CCDC178: variants seen among roughly 807,000 people sequenced by gnomAD.
The protein encoded by CCDC178 is coiled-coil domain containing 178, also known as coiled-coil domain-containing protein 178.
A neutral mutation model predicts 117.4 loss-of-function variants in CCDC178; 126 were observed. That is an observed-to-expected ratio of 1.07 (90% CI 0.93 to 1.24). The LOEUF is 1.24. Ranked by LOEUF, CCDC178 falls within the 50% of genes most tolerant of loss-of-function variation. CCDC178 has a pLI of 0.00. For missense variants in CCDC178, 1,030 were observed against 986.9 expected (o/e 1.04, Z -0.59); for synonymous variants, 283 against 313.4 (o/e 0.90, Z 1.02).
At chr18:32,986,172 A>G (rs1470171739) in intron 21 of CCDC178, among the ~76,000 whole-genome samples, 1 of 152,132 alleles carries the variant, frequency 6.6e-6, no homozygotes, top group African/African-American at 2.4e-5. Context: ...AAACAAAATC[A>G]ATTCTTTATA....
In CCDC178 at chr18:33,264,323, GA is replaced by G. The variant is rs376605059; in HGVS notation, c.1409+2592del. ...GAATATAAGAACTATTTTGATATAT[GA>G]ATTGGTAATTATCTCTTTGTCCTGA... On this transcript the variant is annotated intron_variant, in intron 14 of 22. Transcript: ENST00000383096. 2.3e-4 allele frequency among the ~76,000 whole-genome samples: 35 copies of G among 152,104 alleles called. 1 individual carries two copies. In the South Asian group the frequency reaches 5.4e-3, roughly 23 times the overall value.
chr18:33,345,199 T>A (rs938519449), intron 9 of CCDC178, among the ~76,000 whole-genome samples: 6 of 152,124 alleles, frequency 3.9e-5, no homozygotes, highest in Admixed American at 6.5e-5. Flanking sequence ...AAAAAGCTCT[T>A]ACAAAACATG....
chr18:32,980,194 A>AT (rs2055119842), intron 21 of CCDC178, among the ~76,000 whole-genome samples: 1 of 152,134 alleles, frequency 6.6e-6, no homozygotes, highest in Non-Finnish European at 1.5e-5. Context: ...ACCACATTTA[A>AT]TTTTTTTAAG....
chr18:33,167,345 T>C (rs925059326), intron 20 of CCDC178, among the ~76,000 whole-genome samples: 4 of 152,156 alleles, frequency 2.6e-5, no homozygotes, highest in Non-Finnish European at 5.9e-5. Context: ...GCCAAACTGC[T>C]TTCCACAATG....
At chr18:33,214,699 G>C (rs2144598559) in intron 19 of CCDC178, among the ~76,000 whole-genome samples, 1 of 152,080 alleles carries the variant, frequency 6.6e-6, no homozygotes, top group East Asian at 1.9e-4. Context: ...TTCAGATAAA[G>C]CTGAATTATC....
chr18:33,329,614 T>C (rs1331079305), intron 10 of CCDC178, among the ~76,000 whole-genome samples: 2 of 152,210 alleles, frequency 1.3e-5, no homozygotes, highest in African/African-American at 4.8e-5. Flanking sequence ...TCATATATTG[T>C]ATCACATATG....
At chr18:33,018,475 T>C (rs1055840474) in intron 21 of CCDC178, among the ~76,000 whole-genome samples, 1 of 151,934 alleles carries the variant, frequency 6.6e-6, no homozygotes, top group Non-Finnish European at 1.5e-5. Flanking sequence ...ACCCTCAAAG[T>C]AGAAACAACC....
At position 32,937,868 on chromosome 18, in the gene CCDC178, C is replaced by T; in HGVS notation, c.*143G>A. Reference sequence around the variant, plus strand: ...GGATTTGCTGTGAGTAAAAGAGTGGCAAAGCATGCTGGGAGGTGAGTGAGT... The same window carrying T: ...GGATTTGCTGTGAGTAAAAGAGTGGTAAAGCATGCTGGGAGGTGAGTGAGT... On this transcript the variant is annotated 3_prime_UTR_variant, in exon 23 of 23. Coordinates refer to ENST00000383096, the MANE Select transcript of CCDC178 (RefSeq NM_001105528.4). 1.6e-6 allele frequency: 1 copy of T among 641,208 alleles called. No homozygotes were observed. The highest frequency in any genetic ancestry group is 2.8e-6 in the Non-Finnish European group (1 of 354,932). 39.7% of individuals were successfully genotyped at this position (641,208 alleles called of 1,614,324 possible). A position where few individuals can be genotyped will look rare whatever the true frequency, so the allele number is the denominator to read the frequency against.
intron 14 of CCDC178, among the ~76,000 whole-genome samples, chr18:33,264,161 T>C (rs927075450): frequency 2.0e-5 from 3 of 152,146 alleles, no homozygotes; most frequent in Admixed American, 1.3e-4. Flanking sequence ...TACATTTGCA[T>C]ACATTTGTAA....
intron 20 of CCDC178, among the ~76,000 whole-genome samples, chr18:33,094,506 C>A (rs1384419489): frequency 6.6e-6 from 1 of 151,734 alleles, no homozygotes; most frequent in African/African-American, 2.4e-5. Flanking sequence ...TAAATCTAAG[C>A]ACAACTCTGA....
At chr18:33,320,903 T>C (rs2062499721) in intron 11 of CCDC178, among the ~76,000 whole-genome samples, 2 of 152,106 alleles carry the variant, frequency 1.3e-5, no homozygotes, top group Admixed American at 6.5e-5. Flanking sequence ...TAGGGACCAA[T>C]GGAATAGAAC....
At chr18:33,092,699 T>C (rs1454591929) in intron 21 of CCDC178, 62 bp downstream of exon 21, 2 of 1,191,590 alleles carry the variant, frequency 1.7e-6, no homozygotes, top group South Asian at 2.9e-5. Flanking sequence ...TGACTACTTT[T>C]TACTTTTGTA....
intron 7 of CCDC178, among the ~76,000 whole-genome samples, chr18:33,352,860 GTGCACATGAGAAGAA>G (rs1321248754): frequency 5.3e-5 from 8 of 152,088 alleles, no homozygotes; most frequent in Non-Finnish European, 1.2e-4. Context: ...AATGGTCCAT[GTGCACATGAGAAGAA>G]TGTGTTTTCT....
intron 6 of CCDC178, among the ~76,000 whole-genome samples, chr18:33,365,375 T>C (rs1400857050): frequency 6.6e-6 from 1 of 152,116 alleles, no homozygotes; most frequent in Non-Finnish European, 1.5e-5. Context: ...CACGATGTCA[T>C]GGCACAGTGC....
intron 20 of CCDC178, among the ~76,000 whole-genome samples, chr18:33,147,413 G>A (rs1470355098): frequency 2.2e-5 from 3 of 138,198 alleles, no homozygotes; most frequent in South Asian, 2.2e-4. Flanking sequence ...GGTGTTTCTC[G>A]GAGAGGGGGA....
At chr18:33,276,549 C>A (rs770526150) in intron 12 of CCDC178, among the ~76,000 whole-genome samples, 115 of 151,914 alleles carry the variant, frequency 7.6e-4, no homozygotes, top group Non-Finnish European at 8.4e-4. Flanking sequence ...AGAAAAATAG[C>A]AAAAACCATG....
chr18:33,131,752 C>T (rs1257269310), intron 20 of CCDC178, among the ~76,000 whole-genome samples: 2 of 151,588 alleles, frequency 1.3e-5, no homozygotes, highest in Non-Finnish European at 3.0e-5. Context: ...GCTTCAGTTT[C>T]CTTAACAGTA....
intron 20 of CCDC178, among the ~76,000 whole-genome samples, chr18:33,158,442 T>A (rs960377135): frequency 2.6e-4 from 40 of 152,254 alleles, no homozygotes; most frequent in African/African-American, 9.4e-4. Flanking sequence ...TAAATTCATG[T>A]ACTCTAAAAT....
At chr18:33,226,095 A>C (rs980943098) in intron 16 of CCDC178, among the ~76,000 whole-genome samples, 1 of 152,224 alleles carries the variant, frequency 6.6e-6, no homozygotes, top group Non-Finnish European at 1.5e-5. Flanking sequence ...TGGGAGGCAG[A>C]GGTTATGGTG....
Sources: allele counts gnomAD v4.1 joint callset (sites outside exome capture counted in the v4.1 genomes callset), GRCh38; gene constraint gnomAD v4.1.1; transcripts MANE v1.5; gene names NCBI Gene and HGNC (gene_info 2026-07-23, HGNC 2026-07-21).